VWA2: variants seen among roughly 807,000 people sequenced by gnomAD.
VWA2 encodes von Willebrand factor A domain-containing protein 2.
In VWA2, 73 loss-of-function variants were observed where a neutral mutation model predicts 70.4. The observed-to-expected ratio is 1.04, with a 90% CI of 0.86 to 1.26. The LOEUF (loss-of-function observed/expected upper bound fraction) is 1.26, where lower values mean the gene tolerates loss of function less well. Among genes scored for constraint, VWA2 ranks in the 50% most tolerant of loss-of-function variants. VWA2 has a pLI of 0.00. For missense variants in VWA2, 1,011 were observed against 998.5 expected, an observed-to-expected ratio of 1.01 and a Z score of -0.17; for synonymous variants, 407 against 423.3, an observed-to-expected ratio of 0.96 and a Z score of 0.47.
Position 114,284,760 on chromosome 10 carries a change from G to C in VWA2, c.890-103G>C, listed in dbSNP as rs76080534. ...GACTGTGGGGGAAGGGAGGGGCTGGGCCACTGCTAGAGCAGGAAGCCAGCT... is the reference window on the plus strand; with the variant it reads ...GACTGTGGGGGAAGGGAGGGGCTGGCCCACTGCTAGAGCAGGAAGCCAGCT... On this transcript the variant is annotated intron_variant, in intron 9 of 13. Transcript: ENST00000392982. 3.2e-5 allele frequency: 35 copies of C among 1,087,478 alleles called. No individual in the cohort carries two copies. In the Admixed American group the frequency reaches 9.2e-4, roughly 29 times the overall value. The allele number at this position is 1,087,478 out of a possible 1,614,324, so 67.4% of individuals were successfully genotyped here. A position where few individuals can be genotyped will look rare whatever the true frequency, so the allele number is the denominator to read the frequency against.
At position 114,239,348 on chromosome 10, in the gene VWA2, A is replaced by C. The variant is rs915789330; in HGVS notation, c.-232A>C. The C allele has an allele frequency of 6.6e-6, 1 of 152,256 alleles. No homozygotes were observed. The highest frequency in any genetic ancestry group is 2.4e-5 in the African/African-American group (1 of 41,462). 9.4% of individuals were successfully genotyped at this position (152,256 alleles called of 1,614,324 possible). ...AGACCTGGGCCGATGCCGCTTTAAA[A>C]AACGCGAGGGGCTCTATGCACCTCC... On this transcript the variant is annotated 5_prime_UTR_variant, in exon 1 of 14. Coordinates refer to ENST00000392982, the MANE Select transcript of VWA2 (RefSeq NM_001272046.2).
chr10:114,261,219 C>G lies in VWA2; in HGVS notation c.295C>G (p.Pro99Ala), dbSNP rs780259959. 1.2e-6 allele frequency: 2 copies of G among 1,614,104 alleles called. No homozygotes were observed. The highest frequency in any genetic ancestry group is 4.5e-5 in the East Asian group (2 of 44,890). Residue 99 changes from proline to alanine, a missense_variant, in exon 5 of 14, where the codon CCT becomes GCT. Physicochemically the swap from Pro to Ala is conservative, Grantham distance 27. Transcript: ENST00000392982. ...RVGAFQFSSTPHLEFPLDSFS... is the reference protein window; with the variant it reads ...RVGAFQFSSTAHLEFPLDSFS... The stretch of plus-strand genomic sequence containing the variant: ...GGGAGCATTCCAGTTCAGTTCCACT[C>G]CTCATCTGGAATTCCCCTTGGATTC...
intron 11 of VWA2, among the ~76,000 whole-genome samples, chr10:114,288,691 C>T (rs914117296): frequency 5.3e-5 from 8 of 152,246 alleles, no homozygotes; most frequent in African/African-American, 1.7e-4. Flanking sequence ...TCAGATAGAA[C>T]TTAGACACGT....
In VWA2 at chr10:114,261,381, G is replaced by A; in HGVS notation, c.371+86G>A. The A allele has an allele frequency of 5.5e-6, 6 of 1,088,526 alleles. No individual in the cohort carries two copies. The South Asian group carries it at 8.5e-5, about 15-fold the overall frequency. 67.4% of individuals were successfully genotyped at this position (1,088,526 alleles called of 1,614,324 possible). ...CTTGAAGGGTTTGGTCCTGCTCTGG[G>A]CTCACAGAGAGGACTGTGGGCTGCT... On this transcript the variant is annotated intron_variant, in intron 5 of 13. Transcript: ENST00000392982.
At chr10:114,257,920 A>T (rs1299351117) in intron 4 of VWA2, among the ~76,000 whole-genome samples, 4 of 152,230 alleles carry the variant, frequency 2.6e-5, no homozygotes. Context: ...TGAATGAGGG[A>T]ACACGATTAT....
chr10:114,246,261 G>T, intron 1 of VWA2: 1 of 738,812 alleles, frequency 1.4e-6, no homozygotes, highest in Non-Finnish European at 2.4e-6. Flanking sequence ...AGCACTTCGG[G>T]AGGCCGAGGC....
At chr10:114,279,433 TG>T (rs1184422274) in intron 8 of VWA2, among the ~76,000 whole-genome samples, 1 of 152,064 alleles carries the variant, frequency 6.6e-6, no homozygotes, top group South Asian at 2.1e-4. Flanking sequence ...TCTCCCTTTC[TG>T]GGGGGCCGGG....
intron 5 of VWA2, among the ~76,000 whole-genome samples, chr10:114,264,417 C>G (rs527943316): frequency 6.8e-6 from 1 of 146,122 alleles, no homozygotes; most frequent in African/African-American, 2.7e-5. Flanking sequence ...TATGATTCCA[C>G]GTTTTCTTTT....
intron 6 of VWA2, among the ~76,000 whole-genome samples, chr10:114,274,921 C>T (rs575644502): frequency 6.6e-6 from 1 of 152,206 alleles, no homozygotes; most frequent in South Asian, 2.1e-4. Context: ...CATCTCCCGA[C>T]ATGGGAAAGA....
rs894466774 is a variant in VWA2 at position 114,266,542 on chromosome 10, A to C, written c.371+5247A>C. On this transcript the variant is annotated intron_variant, in intron 5 of 13. Transcript: ENST00000392982. ...AAAAGTATGTTTTGAGGTAGTGAAG[A>C]AACCACTCTGACAACCACCTTATTG... 3.3e-5 allele frequency among the ~76,000 whole-genome samples: 5 copies of C among 152,158 alleles called. No homozygotes were observed. The South Asian group carries it at 6.2e-4, about 19-fold the overall frequency.
rs566742651 is a variant in VWA2 at position 114,286,234 on chromosome 10, G to C, written c.1293G>C (p.Glu431Asp). 3.2e-4 allele frequency: 515 copies of C among 1,613,344 alleles called. 5 individuals are homozygous for C. In the South Asian group the frequency reaches 5.4e-3, roughly 17 times the overall value. The part of the protein sequence containing the change: ...LTGSALRQAA[E>D]RGFGSATRTG... Reference sequence around the variant, plus strand: ...GCAGTGCCTTGCGGCAGGCGGCAGAGCGTGGCTTCGGGAGCGCCACCAGGA... The same window carrying C: ...GCAGTGCCTTGCGGCAGGCGGCAGACCGTGGCTTCGGGAGCGCCACCAGGA... Residue 431 changes from glutamate (E) to aspartate (D), a missense_variant, in exon 11 of 14, where the codon GAG becomes GAC. By Grantham distance (45) the Glu-to-Asp change is conservative (BLOSUM62 2). Transcript: ENST00000392982.
chr10:114,261,164 AG>A, intron 4 of VWA2, 21 bp from the exon 5 acceptor site: 1 of 1,573,502 alleles, frequency 6.4e-7, no homozygotes, highest in Non-Finnish European at 8.7e-7. Flanking sequence ...CGGGGCCCTG[AG>A]CCCCCTGTCT....
intron 8 of VWA2, among the ~76,000 whole-genome samples, chr10:114,281,437 A>AC (rs752563512): frequency 5.9e-5 from 9 of 152,038 alleles, no homozygotes; most frequent in Non-Finnish European, 1.2e-4. Context: ...TAATTATGTG[A>AC]CCTCAGGGGC....
chr10:114,287,920 G>A (rs1406354340), intron 11 of VWA2, among the ~76,000 whole-genome samples: 1 of 152,108 alleles, frequency 6.6e-6, no homozygotes, highest in Non-Finnish European at 1.5e-5. Context: ...ATCCCATCCA[G>A]GACCCCACAG....
At chr10:114,248,802 G>T (rs139931889) in intron 2 of VWA2, 37 bp downstream of exon 2, 10 of 1,587,978 alleles carry the variant, frequency 6.3e-6, no homozygotes, top group Non-Finnish European at 8.6e-6. Context: ...AAGTACTGGC[G>T]TGTTGAGTAG....
chr10:114,285,225 T>C (rs1179318608), intron 10 of VWA2, among the ~76,000 whole-genome samples: 1 of 152,134 alleles, frequency 6.6e-6, no homozygotes, highest in South Asian at 2.1e-4. Context: ...TGCTTGAAGT[T>C]TGAGTGCTGC....
At chr10:114,288,084 CA>C (rs1470202954) in intron 11 of VWA2, among the ~76,000 whole-genome samples, 2 of 152,140 alleles carry the variant, frequency 1.3e-5, no homozygotes, top group African/African-American at 4.8e-5. Context: ...GAATAAAACC[CA>C]AACTCCTTCC....
chr10:114,272,913 C>T lies in VWA2; in HGVS notation c.545C>T (p.Ala182Val), dbSNP rs2037744018. 1 of 1,612,482 alleles carries T rather than the reference C, an allele frequency of 6.2e-7. No individual in the cohort carries two copies. Among genetic ancestry groups the T allele is most frequent in the South Asian group, 1.1e-5 (1 of 90,750 alleles). The change falls in exon 6 of 14, where the codon GCT becomes GTT. Residue 182 changes from alanine (A) to valine (V), a missense_variant. By Grantham distance (64) the Ala-to-Val change is moderately conservative. Transcript: ENST00000392982. ...AAGGAAAGGGGTGTCACTGTGTTTG[C>T]TGTGGGGGTCAGGTTTCCCAGGTAA... Reference protein sequence around the residue: ...QLKERGVTVFAVGVRFPRWEE... With the variant: ...QLKERGVTVFVVGVRFPRWEE...
chr10:114,292,943 G>C lies in VWA2; in HGVS notation c.*1706G>C, dbSNP rs975943721. 6.6e-6 allele frequency among the ~76,000 whole-genome samples: 1 copy of C among 152,150 alleles called. No homozygotes were observed. The highest frequency in any genetic ancestry group is 2.4e-5 in the African/African-American group (1 of 41,420). On this transcript the variant is annotated 3_prime_UTR_variant, in exon 14 of 14. Coordinates refer to ENST00000392982, the MANE Select transcript of VWA2 (RefSeq NM_001272046.2). Reference sequence around the variant, plus strand: ...GCTAGTCTCGAACTTCTGACCTCAGGTGATCCCCCTGCCTTGGCCTCCCAA... The same window carrying C: ...GCTAGTCTCGAACTTCTGACCTCAGCTGATCCCCCTGCCTTGGCCTCCCAA...
Sources: gnomAD v4.1 joint callset for allele counts (sites outside exome capture counted in the v4.1 genomes callset) on GRCh38, gnomAD v4.1.1 for gene constraint, MANE v1.5 for transcripts, NCBI Gene and HGNC (gene_info 2026-07-23, HGNC 2026-07-21) for gene names.